The following EIF2AK1 variants were observed in gnomAD, a reference collection of about 807,000 sequenced individuals.
The protein encoded by EIF2AK1 is eukaryotic translation initiation factor 2-alpha kinase 1.
Under a neutral mutation model 77.9 loss-of-function variants are expected in EIF2AK1, and 54 were observed. The ratio of observed to expected loss-of-function variants is 0.69; its 90% confidence interval spans 0.56 to 0.87. The LOEUF (loss-of-function observed/expected upper bound fraction) is 0.87, where lower values mean the gene tolerates loss of function less well. Among genes scored for constraint, EIF2AK1 ranks in the 40% least tolerant of loss-of-function variants. The pLI, the probability that EIF2AK1 is intolerant of heterozygous loss-of-function variation, is 0.00. For synonymous variants in EIF2AK1, 314 were observed against 290.5 expected (o/e 1.08, Z -0.82); for missense variants, 810 against 768.6 (o/e 1.05, Z -0.64).
Position 6,042,918 on chromosome 7 carries a change from T to C in EIF2AK1, c.791+15A>G. 1.9e-6 allele frequency: 3 copies of C among 1,607,930 alleles called. No individual in the cohort carries two copies. Among genetic ancestry groups the C allele is most frequent in the Non-Finnish European group, 2.6e-6 (3 of 1,174,962 alleles). ...GGTGACAAGAGGTAATGTCCTAATA[T>C]GTAAAAGGACATACCTGTCCTCTTC... is the stretch of plus-strand genomic sequence containing the variant. On this transcript the variant is annotated intron_variant, in intron 8 of 14. Transcript: ENST00000199389.
At position 6,033,038 on chromosome 7, in the gene EIF2AK1, G is replaced by A. The variant is rs1787963163; in HGVS notation, c.1333-4006C>T. 2.4e-5 allele frequency: 23 copies of A among 964,022 alleles called. No homozygotes were observed. The highest frequency in any genetic ancestry group is 3.0e-4 in the Middle Eastern group (1 of 3,294). The allele number at this position is 964,022 out of a possible 1,614,324, so 59.7% of individuals were successfully genotyped here. A position where few individuals can be genotyped will look rare whatever the true frequency, so the allele number is the denominator to read the frequency against. ...GGCTGGAGTGCAATGGCACAATCTC[G>A]CCTCACTGCAACCTCTACTTCCTGG... is the stretch of plus-strand genomic sequence containing the variant. On this transcript the variant is annotated intron_variant, in intron 11 of 14. Coordinates refer to ENST00000199389, the MANE Select transcript of EIF2AK1 (RefSeq NM_014413.4). The surrounding 1 kb of genome is among the most constrained non-coding windows in gnomAD (Gnocchi z 4.4).
Position 6,035,834 on chromosome 7 carries a change from G to A in EIF2AK1, c.1332+1590C>T, listed in dbSNP as rs1788063080. The A allele has an allele frequency of 6.5e-7, 1 of 1,548,978 alleles. No homozygotes were observed. The highest frequency in any genetic ancestry group is 1.2e-5 in the South Asian group (1 of 83,848). ...TCAACTGTGCTGTCTCTTCCACGGG[G>A]AACACGCCCCTGAAGCTTGCAGTGT... is the stretch of plus-strand genomic sequence containing the variant. On this transcript the variant is annotated intron_variant, in intron 11 of 14. Coordinates refer to ENST00000199389, the MANE Select transcript of EIF2AK1 (RefSeq NM_014413.4). This position sits in a 1 kb window ranked among gnomAD's most constrained non-coding sequence, Gnocchi z 5.5.
chr7:6,039,256 T>C (rs1788222189), intron 9 of EIF2AK1, among the ~76,000 whole-genome samples: 1 of 152,136 alleles, frequency 6.6e-6, no homozygotes, highest in South Asian at 2.1e-4. Context: ...GAAATGATTC[T>C]GATTAAAAGT....
At chr7:6,057,872 C>T (rs1223107748) in intron 1 of EIF2AK1, among the ~76,000 whole-genome samples, 2 of 152,098 alleles carry the variant, frequency 1.3e-5, no homozygotes, top group African/African-American at 2.4e-5. Flanking sequence ...TCAGGTGATC[C>T]GCCCACCTCA....
chr7:6,027,344 C>T lies in EIF2AK1; in HGVS notation c.1531-383G>A, dbSNP rs1787776498. On this transcript the variant is annotated intron_variant, in intron 13 of 14. Transcript: ENST00000199389. This position sits in a 1 kb window ranked among gnomAD's most constrained non-coding sequence, Gnocchi z 4.5. ...CGCGGGTTCTCCTCCGGTCTCACCT[C>T]TGCCTCCACTCATTCTTACCAAGTG... Among the ~76,000 whole-genome samples, 1 of 152,190 alleles carries T rather than the reference C, an allele frequency of 6.6e-6. No homozygotes were observed. Among genetic ancestry groups the T allele is most frequent in the South Asian group, 2.1e-4 (1 of 4,828 alleles).
chr7:6,029,441 C>T (rs1343684923), intron 11 of EIF2AK1, among the ~76,000 whole-genome samples: 1 of 151,460 alleles, frequency 6.6e-6, no homozygotes, highest in East Asian at 1.9e-4. Context: ...TGCAGTGAAC[C>T]AAGATTGTGG....
chr7:6,044,334 G>A (rs1346193028), intron 7 of EIF2AK1, among the ~76,000 whole-genome samples: 1 of 151,640 alleles, frequency 6.6e-6, no homozygotes, highest in African/African-American at 2.4e-5. Flanking sequence ...AGCTGGCCGT[G>A]GTGGCGGGCA....
chr7:6,054,448 C>T (rs1020337361), intron 2 of EIF2AK1, 98 bp downstream of exon 2: 3 of 1,371,640 alleles, frequency 2.2e-6, no homozygotes. Flanking sequence ...GGGTGATCCG[C>T]CCACCTCAGC....
At chr7:6,031,309 A>C in intron 11 of EIF2AK1, 3 of 1,415,136 alleles carry the variant, frequency 2.1e-6, no homozygotes, top group South Asian at 2.5e-5. Context: ...TGAAAGAATC[A>C]TCACAAAGAG....
intron 6 of EIF2AK1, among the ~76,000 whole-genome samples, chr7:6,044,965 A>T (rs1788405028): frequency 1.3e-5 from 2 of 152,194 alleles, no homozygotes; most frequent in South Asian, 4.1e-4. Context: ...TCGGTAGGTT[A>T]TGCATATTAA....
rs1787951266 is a variant in EIF2AK1, at chr7:6,032,715, C to A, written c.1333-3683G>T. On this transcript the variant is annotated intron_variant, in intron 11 of 14. Coordinates refer to ENST00000199389, the MANE Select transcript of EIF2AK1 (RefSeq NM_014413.4). The surrounding 1 kb of genome is among the most constrained non-coding windows in gnomAD (Gnocchi z 4.3). The stretch of plus-strand genomic sequence containing the variant: ...AGAAAGGAAACTTTCAATGCACATA[C>A]CAGAAAAAGAGTGAGCCAATGAGAC... 2.9e-6 allele frequency: 2 copies of A among 684,514 alleles called. No individual in the cohort carries two copies. The highest frequency in any genetic ancestry group is 4.3e-5 in the South Asian group (2 of 46,032). The allele number at this position is 684,514 out of a possible 1,614,324, so 42.4% of individuals were successfully genotyped here. A position where few individuals can be genotyped will look rare whatever the true frequency, so the allele number is the denominator to read the frequency against.
intron 2 of EIF2AK1, among the ~76,000 whole-genome samples, chr7:6,054,074 G>A (rs989767728): frequency 2.7e-5 from 4 of 150,754 alleles, no homozygotes; most frequent in Non-Finnish European, 5.9e-5. Flanking sequence ...CTATATTTTT[G>A]TACCCATTAA....
intron 8 of EIF2AK1, among the ~76,000 whole-genome samples, chr7:6,042,437 C>T (rs1180300884): frequency 2.1e-5 from 3 of 145,704 alleles, no homozygotes; most frequent in Non-Finnish European, 3.0e-5. Context: ...GGCGACAGAG[C>T]GAGACTCCAT....
chr7:6,052,763 C>T (rs1788643597), intron 2 of EIF2AK1, among the ~76,000 whole-genome samples: 1 of 150,996 alleles, frequency 6.6e-6, no homozygotes, highest in Admixed American at 6.6e-5. Flanking sequence ...GTCAGGAGTT[C>T]GAGACCAGCC....
chr7:6,037,264 T>C (rs1013572678), intron 11 of EIF2AK1, among the ~76,000 whole-genome samples, 160 bp downstream of exon 11: 6 of 151,922 alleles, frequency 3.9e-5, no homozygotes, highest in African/African-American at 1.5e-4. Context: ...AATGTTTCCA[T>C]ACTCTGGATC....
At chr7:6,029,790 C>A (rs1165719818) in intron 11 of EIF2AK1, among the ~76,000 whole-genome samples, 1 of 151,990 alleles carries the variant, frequency 6.6e-6, no homozygotes, top group Non-Finnish European at 1.5e-5. Context: ...CAAGACCAGG[C>A]TGGCCAACAT....
At position 6,023,210 on chromosome 7, in the gene EIF2AK1, T is replaced by A. The variant is rs566638357; in HGVS notation, c.*1463A>T. ...AACACCCTTTCCCATGTCATCAGTC[T>A]GTGGTGTTTGGTGACTGTCCCCTTC... On this transcript the variant is annotated 3_prime_UTR_variant, in exon 15 of 15. Coordinates refer to ENST00000199389, the MANE Select transcript of EIF2AK1 (RefSeq NM_014413.4). 1.4e-4 allele frequency: 197 copies of A among 1,384,438 alleles called. 1 individual carries two copies. The South Asian group carries it at 2.6e-3, about 18-fold the overall frequency. The allele number at this position is 1,384,438 out of a possible 1,614,324, so 85.8% of individuals were successfully genotyped here. A position where few individuals can be genotyped will look rare whatever the true frequency, so the allele number is the denominator to read the frequency against.
rs1322616929 is a variant in EIF2AK1 at position 6,035,753 on chromosome 7, C to T, written c.1332+1671G>A. 13 of 1,551,062 alleles carry T rather than the reference C, an allele frequency of 8.4e-6. No individual in the cohort carries two copies. Among genetic ancestry groups the T allele is most frequent in the African/African-American group, 5.5e-5 (4 of 73,154 alleles). Reference sequence around the variant, plus strand: ...CCAGCATGACACCCCTTCACATGGCCGCAAACATGCTGAATAAGGAGATGA... The same window carrying T: ...CCAGCATGACACCCCTTCACATGGCTGCAAACATGCTGAATAAGGAGATGA... On this transcript the variant is annotated intron_variant, in intron 11 of 14. Coordinates refer to ENST00000199389, the MANE Select transcript of EIF2AK1 (RefSeq NM_014413.4). The surrounding 1 kb of genome is among the most constrained non-coding windows in gnomAD (Gnocchi z 5.5).
intron 11 of EIF2AK1, among the ~76,000 whole-genome samples, chr7:6,030,776 C>T (rs1394065522): frequency 6.6e-6 from 1 of 152,166 alleles, no homozygotes; most frequent in African/African-American, 2.4e-5. Context: ...GGATTACAGG[C>T]ATGAGCGACC....
Sources: allele counts gnomAD v4.1 joint callset (sites outside exome capture counted in the v4.1 genomes callset), GRCh38; gene constraint gnomAD v4.1.1; non-coding constraint Gnocchi (gnomAD v3.1); transcripts MANE v1.5; gene names NCBI Gene and HGNC (gene_info 2026-07-23, HGNC 2026-07-21).